NRG3: variants seen among roughly 807,000 people sequenced by gnomAD.
NRG3 encodes the protein neuregulin 3.
A neutral mutation model predicts 66.9 loss-of-function variants in NRG3; 31 were observed. That is an observed-to-expected ratio of 0.46 (90% confidence interval 0.35 to 0.63). NRG3 has a LOEUF of 0.63. Ranked by LOEUF, NRG3 falls within the 20% of genes least tolerant of loss-of-function variation. The pLI is 0.00. For missense variants in NRG3, 910 were observed against 878.9 expected (o/e 1.04, Z -0.45); for synonymous variants, 393 against 359.4 (o/e 1.09, Z -1.06).
intron 1 of NRG3, among the ~76,000 whole-genome samples, chr10:82,060,225 T>G (rs1166847292): frequency 6.6e-6 from 1 of 152,236 alleles, no homozygotes; most frequent in Non-Finnish European, 1.5e-5. Flanking sequence ...CATGAGCATT[T>G]CCTTTATTGT....
At chr10:82,398,522 T>A (rs1388407955) in intron 2 of NRG3, among the ~76,000 whole-genome samples, 1,990 of 141,884 alleles carry the variant, frequency 0.014, 13 homozygotes, top group Non-Finnish European at 0.018. Flanking sequence ...TGTGTGTGTG[T>A]GTGTGAGAGA....
At chr10:82,663,286 G>A (rs556292769) in intron 2 of NRG3, among the ~76,000 whole-genome samples, 1 of 152,304 alleles carries the variant, frequency 6.6e-6, no homozygotes, top group African/African-American at 2.4e-5. Context: ...AGCAGGGGCT[G>A]AGGTTGTCTG....
intron 3 of NRG3, among the ~76,000 whole-genome samples, chr10:82,814,756 A>T (rs1471545917): frequency 6.6e-6 from 1 of 152,234 alleles, no homozygotes; most frequent in African/African-American, 2.4e-5. Context: ...AAGCACTTTT[A>T]TAAATATCAT....
intron 2 of NRG3, among the ~76,000 whole-genome samples, chr10:82,559,237 A>G (rs1469778120): frequency 6.6e-6 from 1 of 152,054 alleles, no homozygotes; most frequent in Non-Finnish European, 1.5e-5. Flanking sequence ...GGTCCTCAAG[A>G]TGCAGATTCC....
intron 1 of NRG3, among the ~76,000 whole-genome samples, chr10:82,223,016 T>A (rs1020995030): frequency 6.6e-6 from 1 of 152,238 alleles, no homozygotes; most frequent in Non-Finnish European, 1.5e-5. Context: ...TTCTTCTGGA[T>A]CCTGCAGTAG....
At chr10:82,447,673 A>G (rs2090805571) in intron 2 of NRG3, among the ~76,000 whole-genome samples, 1 of 152,270 alleles carries the variant, frequency 6.6e-6, no homozygotes, top group African/African-American at 2.4e-5. Flanking sequence ...TGTAACAACT[A>G]GCAGAGTTGC....
chr10:81,991,654 T>A (rs949076297), intron 1 of NRG3, among the ~76,000 whole-genome samples: 72 of 152,234 alleles, frequency 4.7e-4, no homozygotes, highest in East Asian at 1.2e-3. Context: ...AGATTTTTTT[T>A]AAAAATCCAC....
chr10:82,529,324 G>T (rs537778831), intron 2 of NRG3, among the ~76,000 whole-genome samples: 1 of 152,208 alleles, frequency 6.6e-6, no homozygotes, highest in Non-Finnish European at 1.5e-5. Context: ...CCTGCCTGGT[G>T]CAGGAAGATA....
chr10:82,809,914 C>T (rs1446135825), intron 3 of NRG3, among the ~76,000 whole-genome samples: 1 of 150,944 alleles, frequency 6.6e-6, no homozygotes, highest in African/African-American at 2.4e-5. Flanking sequence ...GTTGTAAAGG[C>T]ATTTCAATAA....
intron 2 of NRG3, among the ~76,000 whole-genome samples, chr10:82,515,704 C>A (rs1447247315): frequency 1.3e-5 from 2 of 152,164 alleles, no homozygotes; most frequent in Non-Finnish European, 2.9e-5. Context: ...CAATAACAAA[C>A]CCATTAAACA....
At chr10:82,469,933 C>T (rs537992864) in intron 2 of NRG3, among the ~76,000 whole-genome samples, 6 of 152,176 alleles carry the variant, frequency 3.9e-5, no homozygotes, top group South Asian at 4.2e-4. Flanking sequence ...TGCTAAGAAA[C>T]GCAATGTAGT....
chr10:82,232,218 G>A (rs1471328074), intron 1 of NRG3: 6 of 152,880 alleles, frequency 3.9e-5, no homozygotes, highest in Admixed American at 2.0e-4. Context: ...ATAAGCTCCA[G>A]TGTATGCAGG....
chr10:81,902,292 G>A (rs910585), intron 1 of NRG3, among the ~76,000 whole-genome samples: 67,906 of 151,962 alleles, frequency 0.45, 18,677 homozygotes, highest in East Asian at 0.81. Context: ...AAAAGTGGTT[G>A]CAGATATGCT....
At chr10:82,616,104 A>G (rs1433177730) in intron 2 of NRG3, among the ~76,000 whole-genome samples, 2 of 152,164 alleles carry the variant, frequency 1.3e-5, no homozygotes, top group Non-Finnish European at 2.9e-5. Context: ...AACCTTCTCC[A>G]AGGCAATGTC....
intron 4 of NRG3, among the ~76,000 whole-genome samples, chr10:82,932,018 C>T (rs936605730): frequency 4.6e-5 from 7 of 152,142 alleles, no homozygotes; most frequent in African/African-American, 1.4e-4. Context: ...TTGCCTTGAA[C>T]AGTTTACAGT....
intron 2 of NRG3, among the ~76,000 whole-genome samples, chr10:82,500,429 G>A (rs189195582): frequency 6.6e-6 from 1 of 151,976 alleles, no homozygotes. Context: ...AATATCCATG[G>A]GATCCGTCCA....
chr10:81,981,093 A>G (rs1410227950), intron 1 of NRG3, among the ~76,000 whole-genome samples: 1 of 152,170 alleles, frequency 6.6e-6, no homozygotes. Context: ...TCATATGCAA[A>G]ATACATTCAC....
chr10:82,001,249 T>A (rs1293141685), intron 1 of NRG3, among the ~76,000 whole-genome samples: 5 of 147,410 alleles, frequency 3.4e-5, no homozygotes, highest in African/African-American at 1.0e-4. Context: ...ACGCCTGCAA[T>A]CCCAGCACTT....
chr10:82,119,141 T>A (rs2067919183), intron 1 of NRG3, among the ~76,000 whole-genome samples: 1 of 152,206 alleles, frequency 6.6e-6, no homozygotes, highest in Non-Finnish European at 1.5e-5. Context: ...CAAACACTTA[T>A]TTTTTGTGGT....
Sources: gnomAD v4.1 joint callset for allele counts (sites outside exome capture counted in the v4.1 genomes callset) on GRCh38, gnomAD v4.1.1 for gene constraint, MANE v1.5 for transcripts, NCBI Gene and HGNC (gene_info 2026-07-23, HGNC 2026-07-21) for gene names.